CSMD3: variants seen among roughly 807,000 people sequenced by gnomAD.
CSMD3 encodes the protein CUB and Sushi multiple domains 3, also known as CUB and sushi domain-containing protein 3.
In CSMD3, 177 loss-of-function variants were observed where a neutral mutation model predicts 435.2. The observed-to-expected ratio is 0.41, with a 90% CI of 0.36 to 0.46. CSMD3 has a LOEUF of 0.46. Ranked by LOEUF, CSMD3 falls within the 20% of genes least tolerant of loss-of-function variation. The probability of loss-of-function intolerance (pLI) is 0.34; values close to 1 mark genes in which losing one functional copy is unlikely to be tolerated. For synonymous variants in CSMD3, 1,656 were observed against 1,520.5 expected (o/e 1.09, Z -2.07); for missense variants, 4,265 against 4,504.6 (o/e 0.95, Z 1.52).
chr8:113,215,729 TTTCTC>T (rs1430093330), intron 3 of CSMD3, among the ~76,000 whole-genome samples: 3 of 151,858 alleles, frequency 2.0e-5, no homozygotes, highest in African/African-American at 7.2e-5. Flanking sequence ...TATATGCACT[TTTCTC>T]TTCTGTATTA....
chr8:112,581,724 G>C (rs149474232), intron 23 of CSMD3, among the ~76,000 whole-genome samples: 1 of 152,010 alleles, frequency 6.6e-6, no homozygotes, highest in Non-Finnish European at 1.5e-5. Flanking sequence ...TATAGCATGC[G>C]TTCTATTGGA....
intron 54 of CSMD3, among the ~76,000 whole-genome samples, chr8:112,295,264 G>A (rs530654615): frequency 9.2e-5 from 14 of 151,810 alleles, no homozygotes; most frequent in African/African-American, 1.5e-4. Flanking sequence ...AGGGAATTAC[G>A]GCCCAGAGAG....
intron 13 of CSMD3, among the ~76,000 whole-genome samples, chr8:112,783,070 A>C (rs1245089150): frequency 6.6e-6 from 1 of 152,100 alleles, no homozygotes; most frequent in Non-Finnish European, 1.5e-5. Flanking sequence ...TGGCGTGTAA[A>C]CTACTCATGT....
intron 18 of CSMD3, among the ~76,000 whole-genome samples, chr8:112,651,150 T>C (rs1198108677): frequency 2.0e-5 from 3 of 152,194 alleles, no homozygotes; most frequent in Non-Finnish European, 2.9e-5. Context: ...GAACCACTGG[T>C]ACAAACTATA....
intron 53 of CSMD3, among the ~76,000 whole-genome samples, chr8:112,297,160 C>A (rs1229154498): frequency 2.1e-5 from 3 of 144,046 alleles, no homozygotes; most frequent in African/African-American, 5.1e-5. Flanking sequence ...GAAAATAATT[C>A]TTATGCAAAC....
intron 58 of CSMD3, among the ~76,000 whole-genome samples, chr8:112,285,650 G>A (rs185133276): frequency 1.9e-3 from 286 of 151,992 alleles, no homozygotes; most frequent in Middle Eastern, 6.8e-3. Context: ...AACAATTAAG[G>A]TCAATACAAT....
rs561073508 is a variant in CSMD3 at position 112,651,198 on chromosome 8, A to G, written c.3005-849T>C. Among the ~76,000 whole-genome samples, 31 of 152,332 alleles carry G rather than the reference A, an allele frequency of 2.0e-4. No homozygotes were observed. In the East Asian group the frequency reaches 5.6e-3, roughly 27 times the overall value. ...TTTTTTCTTCCTATATAGGATATTT[A>G]AACAATGAATAACTACTATTTCTAT... is the stretch of plus-strand genomic sequence containing the variant. On this transcript the variant is annotated intron_variant, in intron 18 of 70. Transcript: ENST00000297405.
At chr8:112,389,773 T>C (rs867091742) in intron 36 of CSMD3, among the ~76,000 whole-genome samples, 38 of 152,220 alleles carry the variant, frequency 2.5e-4, no homozygotes, top group Admixed American at 2.5e-3. Flanking sequence ...CTGTGAAGGC[T>C]AGATAATATT....
At chr8:113,331,250 A>G (rs1010565528) in intron 1 of CSMD3, among the ~76,000 whole-genome samples, 1 of 151,716 alleles carries the variant, frequency 6.6e-6, no homozygotes, top group Non-Finnish European at 1.5e-5. Flanking sequence ...AAGAAGAATT[A>G]TAAAATATGA....
intron 4 of CSMD3, among the ~76,000 whole-genome samples, chr8:113,151,074 T>C (rs868572580): frequency 9.2e-5 from 14 of 152,078 alleles, no homozygotes; most frequent in African/African-American, 2.6e-4. Context: ...ATATTTAGGA[T>C]AAAATGTTAG....
At chr8:113,407,955 T>C (rs920054781) in intron 1 of CSMD3, among the ~76,000 whole-genome samples, 3 of 152,098 alleles carry the variant, frequency 2.0e-5, no homozygotes, top group African/African-American at 4.8e-5. Context: ...TTTAAAGTTA[T>C]AGAAAAAAAA....
intron 12 of CSMD3, among the ~76,000 whole-genome samples, chr8:112,819,489 G>A (rs146161408): frequency 1.1e-4 from 16 of 152,298 alleles, no homozygotes; most frequent in Non-Finnish European, 1.6e-4. Flanking sequence ...GAGTCCTAGA[G>A]TTCGAAGGAA....
At chr8:112,348,157 T>C (rs1216664576) in intron 40 of CSMD3, among the ~76,000 whole-genome samples, 2 of 152,222 alleles carry the variant, frequency 1.3e-5, no homozygotes, top group African/African-American at 4.8e-5. Flanking sequence ...CTTCAGCAAT[T>C]TGTTCATGTC....
At chr8:112,807,100 A>G (rs13264919) in intron 12 of CSMD3, among the ~76,000 whole-genome samples, 31,294 of 152,126 alleles carry the variant, frequency 0.21, 4,051 homozygotes, top group Non-Finnish European at 0.3. Context: ...CAGTCTGTGT[A>G]CCTTACCCCT....
chr8:113,006,963 C>T (rs1329453150), intron 6 of CSMD3, among the ~76,000 whole-genome samples: 1 of 151,912 alleles, frequency 6.6e-6, no homozygotes, highest in East Asian at 1.9e-4. Flanking sequence ...GGTCTTAGGC[C>T]TGGGTCAGTC....
At chr8:112,822,671 A>G (rs578145923) in intron 12 of CSMD3, among the ~76,000 whole-genome samples, 1 of 151,844 alleles carries the variant, frequency 6.6e-6, no homozygotes, top group South Asian at 2.1e-4. Context: ...CAACCATCCT[A>G]TGTTGAATAG....
In CSMD3 at chr8:112,295,994, C is replaced by G. The variant is rs2130716671; in HGVS notation, c.8453G>C (p.Gly2818Ala). ...SETRCLAGHC[G>A]IPELIVNGQV... ...ACCATTCACAATCAGTTCTGGAATT[C>G]CACAATGACCCGCTGAAATACGTTA... The change falls in exon 54 of 71, where the codon GGA becomes GCA. Residue 2818 changes from glycine (G) to alanine (A), a missense_variant. Transcript: ENST00000297405. 1 of 1,612,072 alleles carries G rather than the reference C, an allele frequency of 6.2e-7. No individual in the cohort carries two copies. The highest frequency in any genetic ancestry group is 8.5e-7 in the Non-Finnish European group (1 of 1,178,374).
intron 61 of CSMD3, among the ~76,000 whole-genome samples, chr8:112,260,493 A>G (rs902635187): frequency 6.6e-6 from 1 of 152,206 alleles, no homozygotes; most frequent in Non-Finnish European, 1.5e-5. Flanking sequence ...TACATTTGAA[A>G]TGTAAATACA....
intron 70 of CSMD3, among the ~76,000 whole-genome samples, chr8:112,227,991 G>A (rs142219443): frequency 3.0e-3 from 464 of 152,146 alleles, no homozygotes; most frequent in African/African-American, 4.6e-3. Flanking sequence ...ACAGTGAGCC[G>A]AGATTGTGCC....
Sources: gnomAD v4.1 joint callset for allele counts (sites outside exome capture counted in the v4.1 genomes callset) on GRCh38, gnomAD v4.1.1 for gene constraint, MANE v1.5 for transcripts, NCBI Gene and HGNC (gene_info 2026-07-23, HGNC 2026-07-21) for gene names.